The following MEGF11 variants were observed in gnomAD, a reference collection of about 807,000 sequenced individuals.
MEGF11 encodes multiple EGF like domains 11.
Under a neutral mutation model 146.6 loss-of-function variants are expected in MEGF11, and 126 were observed. That is an observed-to-expected ratio of 0.86 (90% confidence interval 0.74 to 1.00). The LOEUF (loss-of-function observed/expected upper bound fraction) is 1.00, where lower values mean the gene tolerates loss of function less well. MEGF11 is among the 50% of genes least tolerant of loss of function. The probability of loss-of-function intolerance (pLI) is 0.00; values close to 1 mark genes in which losing one functional copy is unlikely to be tolerated. For synonymous variants in MEGF11, 532 were observed against 583.4 expected (o/e 0.91, Z 1.27); for missense variants, 1,509 against 1,521.2 (o/e 0.99, Z 0.13).
chr15:65,926,608 G>C (rs1240328559), intron 13 of MEGF11, among the ~76,000 whole-genome samples: 1 of 152,164 alleles, frequency 6.6e-6, no homozygotes, highest in Non-Finnish European at 1.5e-5. Flanking sequence ...GAGTGGGGAG[G>C]GCTCAGTGGG....
At chr15:66,140,983 C>T (rs143585219) in intron 1 of MEGF11, among the ~76,000 whole-genome samples, 183 of 152,256 alleles carry the variant, frequency 1.2e-3, no homozygotes, top group African/African-American at 4.1e-3. Context: ...CACTCATCAG[C>T]CACTGTGCAC....
rs1200331430 is a variant in MEGF11 at position 65,916,197 on chromosome 15, A to G, written c.2295T>C (p.Ser765=). ...CQNGASCDHI[S]GKCTCRTGFT... ...AGCCTGTGCGGCAGGTGCACTTGCC[A>G]CTGATGTGGTCACAGCTGGCGCCAT... The change falls in exon 18 of 26, where the codon AGT becomes AGC. Residue 765 remains serine (S), a synonymous_variant. Coordinates refer to ENST00000395614, the MANE Select transcript of MEGF11 (RefSeq NM_001385028.1). 4 of 1,581,562 alleles carry G rather than the reference A, an allele frequency of 2.5e-6. No homozygotes were observed. The highest frequency in any genetic ancestry group is 2.6e-6 in the Non-Finnish European group (3 of 1,163,868).
chr15:66,074,854 G>A (rs1462845042), intron 5 of MEGF11, among the ~76,000 whole-genome samples: 1 of 152,064 alleles, frequency 6.6e-6, no homozygotes, highest in African/African-American at 2.4e-5. Flanking sequence ...AATCTGTTGG[G>A]GGTCATAGGG....
At chr15:66,111,584 G>A (rs1410080219) in intron 4 of MEGF11, among the ~76,000 whole-genome samples, 1 of 152,188 alleles carries the variant, frequency 6.6e-6, no homozygotes, top group Non-Finnish European at 1.5e-5. Flanking sequence ...AGCGCAGGCT[G>A]GGAGCCAGGG....
In MEGF11 at chr15:65,909,942, G is replaced by T. The variant is rs903841790; in HGVS notation, c.2830-136C>A. The T allele has an allele frequency of 4.0e-6, 3 of 753,580 alleles. No individual in the cohort carries two copies. The Admixed American group carries it at 6.0e-5, about 15-fold the overall frequency. 46.7% of individuals were successfully genotyped at this position (753,580 alleles called of 1,614,324 possible). A position where few individuals can be genotyped will look rare whatever the true frequency, so the allele number is the denominator to read the frequency against. On this transcript the variant is annotated intron_variant, in intron 21 of 25. Transcript: ENST00000395614. ...TGGGTCCTAGGCCGTTGAGAGAAAG[G>T]GCGAGCTAGGTGTTCCATGACAGGC... is the stretch of plus-strand genomic sequence containing the variant.
At chr15:65,994,682 G>A (rs1008843939) in intron 5 of MEGF11, among the ~76,000 whole-genome samples, 1 of 152,190 alleles carries the variant, frequency 6.6e-6, no homozygotes, top group Non-Finnish European at 1.5e-5. Flanking sequence ...CCTGGGATCT[G>A]CCCTCTGGGC....
chr15:66,236,355 G>A (rs994436611), intron 1 of MEGF11, among the ~76,000 whole-genome samples: 4 of 152,136 alleles, frequency 2.6e-5, no homozygotes, highest in Admixed American at 1.3e-4. Flanking sequence ...AAGGGTTTCC[G>A]ACAGGCAGGG....
intron 15 of MEGF11, among the ~76,000 whole-genome samples, chr15:65,918,863 C>T (rs994369777): frequency 3.3e-5 from 5 of 152,314 alleles, no homozygotes; most frequent in African/African-American, 1.2e-4. Context: ...TTTTGTTTCC[C>T]TGTGCAATTC....
rs1256914124 is a variant in MEGF11, at chr15:66,173,847, A to G, written c.-8-45436T>C. Among the ~76,000 whole-genome samples the G allele has an allele frequency of 2.6e-5, 4 of 152,230 alleles. No homozygotes were observed. In the East Asian group the frequency reaches 7.7e-4, roughly 29 times the overall value. ...TGACCACCTGCTTCCTGCAGAGACC[A>G]CCCTTGGACAGTTTGCCACAAATCA... On this transcript the variant is annotated intron_variant, in intron 1 of 25. Coordinates refer to ENST00000395614, the MANE Select transcript of MEGF11 (RefSeq NM_001385028.1).
At chr15:66,232,434 C>T (rs575881926) in intron 1 of MEGF11, among the ~76,000 whole-genome samples, 9 of 152,136 alleles carry the variant, frequency 5.9e-5, no homozygotes, top group Non-Finnish European at 1.0e-4. Context: ...TCCAAGTCCC[C>T]GGGGAGCTCT....
chr15:66,174,425 C>T, intron 1 of MEGF11, among the ~76,000 whole-genome samples: 1 of 152,120 alleles, frequency 6.6e-6, no homozygotes, highest in Middle Eastern at 3.2e-3. Context: ...GTAGGGGAAA[C>T]CTCTGGGCTG....
intron 19 of MEGF11, among the ~76,000 whole-genome samples, chr15:65,915,024 C>T (rs930883948): frequency 6.6e-6 from 1 of 152,210 alleles, no homozygotes; most frequent in Admixed American, 6.5e-5. Context: ...CAAGGTTGAG[C>T]CCCTTTGGGC....
chr15:65,946,140 C>G (rs2080184116), intron 10 of MEGF11, among the ~76,000 whole-genome samples: 1 of 152,324 alleles, frequency 6.6e-6, no homozygotes, highest in African/African-American at 2.4e-5. Context: ...TATGACCCAA[C>G]AGGAACTAGG....
rs2081613393 is a variant in MEGF11 at position 65,980,864 on chromosome 15, C to T, written c.676G>A (p.Ala226Thr). The T allele has an allele frequency of 6.3e-7, 1 of 1,593,570 alleles. No homozygotes were observed. Among genetic ancestry groups the T allele is most frequent in the Admixed American group, 1.8e-5 (1 of 56,742 alleles). Reference sequence around the variant, plus strand: ...CAGGGGCAGCGCAGCTCACAGTGAGCTCCATGGCTCCCAGGAGGGCACAGC... The same window carrying T: ...CAGGGGCAGCGCAGCTCACAGTGAGTTCCATGGCTCCCAGGAGGGCACAGC... ...EELCPPGSHG[A>T]HCELRCPCQN... Residue 226 changes from alanine to threonine, a missense_variant, in exon 7 of 26, where the codon GCT becomes ACT. Physicochemically the swap from Ala to Thr is moderately conservative, Grantham distance 58. Coordinates refer to ENST00000395614, the MANE Select transcript of MEGF11 (RefSeq NM_001385028.1).
At chr15:66,075,238 T>G (rs1550030) in intron 5 of MEGF11, among the ~76,000 whole-genome samples, 48,456 of 152,048 alleles carry the variant, frequency 0.32, 8,061 homozygotes, top group East Asian at 0.6. Context: ...TAATAAATGT[T>G]TGGTGACTGT....
At chr15:66,241,645 G>A (rs1365856943) in intron 1 of MEGF11, among the ~76,000 whole-genome samples, 1 of 152,136 alleles carries the variant, frequency 6.6e-6, no homozygotes, top group Non-Finnish European at 1.5e-5. Context: ...CCTTAGAGGG[G>A]ACCCAGGTCC....
In MEGF11 at chr15:66,102,617, A is replaced by G. The variant is rs564256163; in HGVS notation, c.302-8123T>C. ...AATTAAAAAAGTTTTTTTTGTAGAA[A>G]CAGGGTCTTTCTCATATCAGATCCC... On this transcript the variant is annotated intron_variant, in intron 4 of 25. Transcript: ENST00000395614. 1.4e-3 allele frequency among the ~76,000 whole-genome samples: 218 copies of G among 151,936 alleles called. 1 individual carries two copies. The highest frequency in any genetic ancestry group is 2.5e-3 in the Non-Finnish European group (170 of 67,962).
At chr15:66,006,689 C>A (rs1169952143) in intron 5 of MEGF11, among the ~76,000 whole-genome samples, 1 of 152,208 alleles carries the variant, frequency 6.6e-6, no homozygotes. Context: ...CAGTCTATAT[C>A]CCAGGAATAA....
intron 8 of MEGF11, among the ~76,000 whole-genome samples, chr15:65,965,934 G>A (rs1207130050): frequency 6.6e-6 from 1 of 152,018 alleles, no homozygotes; most frequent in African/African-American, 2.4e-5. Flanking sequence ...TCTCCAGAAT[G>A]TTTCCGTCTT....
Sources: allele counts gnomAD v4.1 joint callset (sites outside exome capture counted in the v4.1 genomes callset), GRCh38; gene constraint gnomAD v4.1.1; transcripts MANE v1.5; gene names NCBI Gene and HGNC (gene_info 2026-07-23, HGNC 2026-07-21).